Variants in RRAS2 observed in about 807,000 individuals in gnomAD.
RRAS2 encodes RAS related 2.
A neutral mutation model predicts 27.6 loss-of-function variants in RRAS2; 7 were observed. The ratio of observed to expected loss-of-function variants is 0.25; its 90% CI spans 0.14 to 0.48. RRAS2 has a LOEUF of 0.48. Among genes scored for constraint, RRAS2 ranks in the 20% least tolerant of loss-of-function variants. The probability of loss-of-function intolerance (pLI) is 0.99; values close to 1 mark genes in which losing one functional copy is unlikely to be tolerated. For synonymous variants in RRAS2, 86 were observed against 90.9 expected (o/e 0.95, Z 0.31); for missense variants, 178 against 256.2 (o/e 0.69, Z 2.08).
At chr11:14,318,288 CAG>C (rs1848154522) in intron 1 of RRAS2, among the ~76,000 whole-genome samples, 2 of 152,126 alleles carry the variant, frequency 1.3e-5, no homozygotes, top group Admixed American at 6.5e-5. Flanking sequence ...CACCTGAAGT[CAG>C]GGGTTCAAGA....
At chr11:14,350,617 T>C (rs1027456751) in intron 1 of RRAS2, among the ~76,000 whole-genome samples, 1 of 152,050 alleles carries the variant, frequency 6.6e-6, no homozygotes, top group Non-Finnish European at 1.5e-5. Flanking sequence ...GTGTCCAATC[T>C]TTCGATTTCC....
In RRAS2 at chr11:14,295,873, A is replaced by C; in HGVS notation, c.109-18T>G. 6.2e-7 allele frequency: 1 copy of C among 1,608,226 alleles called. No individual in the cohort carries two copies. Among genetic ancestry groups the C allele is most frequent in the Non-Finnish European group, 8.5e-7 (1 of 1,177,152 alleles). ...AAATAGGACTGCAAGAAAAGAAAAA[A>C]CTTTATTTTAAAATTCATGGCCAGG... On this transcript the variant is annotated intron_variant, in intron 1 of 5. Coordinates refer to ENST00000256196, the MANE Select transcript of RRAS2 (RefSeq NM_012250.6).
At position 14,323,463 on chromosome 11, in the gene RRAS2, A is replaced by G. The variant is rs573169958; in HGVS notation, c.109-27608T>C. On this transcript the variant is annotated intron_variant, in intron 1 of 5. Transcript: ENST00000256196. The stretch of plus-strand genomic sequence containing the variant: ...ACAGAGCGAGACCCTGTCTCAAAAA[A>G]AAAAGGATAATCAGAAAGCCTGAAC... 6.6e-5 allele frequency among the ~76,000 whole-genome samples: 10 copies of G among 152,172 alleles called. No homozygotes were observed. The South Asian group carries it at 2.1e-3, about 32-fold the overall frequency.
intron 1 of RRAS2, among the ~76,000 whole-genome samples, chr11:14,347,966 GTTA>G (rs1455401702): frequency 1.3e-5 from 2 of 152,074 alleles, no homozygotes. Context: ...AAGGGAGGAA[GTTA>G]TTATGCTAAA....
At chr11:14,310,034 G>C (rs528147825) in intron 1 of RRAS2, among the ~76,000 whole-genome samples, 2 of 152,358 alleles carry the variant, frequency 1.3e-5, no homozygotes, top group African/African-American at 4.8e-5. Context: ...GACTGGAATG[G>C]AGGTGTAAAG....
intron 1 of RRAS2, among the ~76,000 whole-genome samples, chr11:14,328,143 G>A (rs934137467): frequency 1.3e-5 from 2 of 152,032 alleles, no homozygotes; most frequent in African/African-American, 4.8e-5. Context: ...CGAGGCAGGC[G>A]GATCACCTGA....
chr11:14,342,138 T>TC (rs1284144714), intron 1 of RRAS2: 1 of 202,106 alleles, frequency 4.9e-6, no homozygotes, highest in Non-Finnish European at 1.0e-5. Context: ...CCACTGCTCC[T>TC]CCCAGATTCA....
intron 4 of RRAS2, among the ~76,000 whole-genome samples, chr11:14,287,782 G>A (rs953160139): frequency 1.3e-5 from 2 of 149,140 alleles, no homozygotes; most frequent in Admixed American, 6.8e-5. Flanking sequence ...TGAGGCAGGA[G>A]AATTGCTTGA....
At chr11:14,282,047 C>T (rs953495763) in intron 4 of RRAS2, among the ~76,000 whole-genome samples, 3 of 152,042 alleles carry the variant, frequency 2.0e-5, no homozygotes, top group African/African-American at 4.8e-5. Flanking sequence ...GGGAGATGAG[C>T]GAAAGCTTCC....
At chr11:14,288,000 G>T (rs1849710809) in intron 4 of RRAS2, among the ~76,000 whole-genome samples, 1 of 152,088 alleles carries the variant, frequency 6.6e-6, no homozygotes, top group African/African-American at 2.4e-5. Flanking sequence ...TTTGGTTTTG[G>T]GACAGGGTCT....
chr11:14,284,863 A>G (rs1849620557), intron 4 of RRAS2, among the ~76,000 whole-genome samples: 1 of 152,212 alleles, frequency 6.6e-6, no homozygotes, highest in African/African-American at 2.4e-5. Context: ...GTAGCTATAT[A>G]AATATCTTAC....
intron 1 of RRAS2, among the ~76,000 whole-genome samples, chr11:14,328,404 T>C (rs1554951418): frequency 7.6e-6 from 1 of 130,930 alleles, no homozygotes; most frequent in African/African-American, 2.8e-5. Flanking sequence ...GAAAAAATAA[T>C]GTAGCAAATT....
chr11:14,353,921 T>C (rs1272126223), intron 1 of RRAS2, among the ~76,000 whole-genome samples: 1 of 152,252 alleles, frequency 6.6e-6, no homozygotes, highest in African/African-American at 2.4e-5. Context: ...TTCTCAATGC[T>C]AACAATTCAT....
intron 1 of RRAS2, among the ~76,000 whole-genome samples, chr11:14,318,745 C>A (rs1848164846): frequency 6.6e-6 from 1 of 152,154 alleles, no homozygotes; most frequent in Non-Finnish European, 1.5e-5. Context: ...GGAAAGATAA[C>A]CCAAACACGG....
At chr11:14,324,951 G>A (rs1848317689) in intron 1 of RRAS2, among the ~76,000 whole-genome samples, 1 of 152,150 alleles carries the variant, frequency 6.6e-6, no homozygotes, top group African/African-American at 2.4e-5. Flanking sequence ...GTGGAAAAAA[G>A]CGAGATTGAG....
At chr11:14,317,024 T>G (rs1162017764) in intron 1 of RRAS2, among the ~76,000 whole-genome samples, 2 of 152,142 alleles carry the variant, frequency 1.3e-5, no homozygotes, top group African/African-American at 4.8e-5. Context: ...AATAAGAAAT[T>G]TTTTAATGTG....
chr11:14,323,706 A>G (rs1848281038), intron 1 of RRAS2, among the ~76,000 whole-genome samples: 1 of 152,200 alleles, frequency 6.6e-6, no homozygotes, highest in South Asian at 2.1e-4. Flanking sequence ...TCTGGATACC[A>G]AAACCAGACA....
At chr11:14,356,488 T>C (rs1490634846) in intron 1 of RRAS2, among the ~76,000 whole-genome samples, 3 of 152,208 alleles carry the variant, frequency 2.0e-5, no homozygotes, top group Non-Finnish European at 2.9e-5. Context: ...AATGCTACCA[T>C]CTTTGTCATA....
rs1411236267 is a variant in RRAS2 at position 14,358,605 on chromosome 11, G to A, written c.108+158C>T. 4.1e-6 allele frequency: 4 copies of A among 983,314 alleles called. No individual in the cohort carries two copies. The highest frequency in any genetic ancestry group is 4.7e-5 in the South Asian group (1 of 21,390). 60.9% of individuals were successfully genotyped at this position (983,314 alleles called of 1,614,324 possible). On this transcript the variant is annotated intron_variant, in intron 1 of 5. Transcript: ENST00000256196. This position sits in a 1 kb window ranked among gnomAD's most constrained non-coding sequence, Gnocchi z 5.1. ...AGGAGCGCGACGCTGCGGCCGCAGGGCAGGAGCGTAGTCGGCCCCGCGCCC... is the reference window on the plus strand; with the variant it reads ...AGGAGCGCGACGCTGCGGCCGCAGGACAGGAGCGTAGTCGGCCCCGCGCCC...
Sources: allele counts gnomAD v4.1 joint callset (sites outside exome capture counted in the v4.1 genomes callset), GRCh38; gene constraint gnomAD v4.1.1; non-coding constraint Gnocchi (gnomAD v3.1); transcripts MANE v1.5; gene names NCBI Gene and HGNC (gene_info 2026-07-23, HGNC 2026-07-21).